Variants in IPO5 observed in about 807,000 individuals in gnomAD.
The protein encoded by IPO5 is importin 5.
A neutral mutation model predicts 143.3 loss-of-function variants in IPO5; 18 were observed. The ratio of observed to expected loss-of-function variants is 0.13; its 90% CI spans 0.09 to 0.19. The LOEUF (loss-of-function observed/expected upper bound fraction) is 0.19. IPO5 is among the 10% of genes least tolerant of loss of function. The pLI is 1.00. For synonymous variants in IPO5, 477 were observed against 465.7 expected, an observed-to-expected ratio of 1.02 and a Z score of -0.31; for missense variants, 1,013 against 1,336.9, an observed-to-expected ratio of 0.76 and a Z score of 3.78.
intron 9 of IPO5, 123 bp downstream of exon 9, chr13:97,990,660 C>A: frequency 1.8e-6 from 1 of 542,454 alleles, no homozygotes. Context: ...CAGCAGTGAA[C>A]AAAACATGCA....
chr13:97,997,074 T>C (rs1056638910), intron 11 of IPO5, among the ~76,000 whole-genome samples: 1 of 152,232 alleles, frequency 6.6e-6, no homozygotes, highest in Non-Finnish European at 1.5e-5. Flanking sequence ...AATGGAATGC[T>C]ATTAAATAAA....
intron 9 of IPO5, among the ~76,000 whole-genome samples, chr13:97,992,345 T>C (rs1320560123): frequency 6.6e-6 from 1 of 152,192 alleles, no homozygotes; most frequent in Admixed American, 6.5e-5. Context: ...ATGGGTAATA[T>C]TGGACACTTT....
chr13:97,982,738 T>C (rs564739232), intron 5 of IPO5, among the ~76,000 whole-genome samples, 155 bp downstream of exon 5: 4 of 151,968 alleles, frequency 2.6e-5, no homozygotes, highest in Admixed American at 2.0e-4. Context: ...TTAGGAGTTA[T>C]AATGTAATTT....
chr13:97,996,141 G>A (rs921492598), intron 11 of IPO5, among the ~76,000 whole-genome samples: 4 of 152,100 alleles, frequency 2.6e-5, no homozygotes, highest in Non-Finnish European at 5.9e-5. Context: ...AGGCTAGAGT[G>A]CAGTGACATG....
chr13:97,982,426 A>G, intron 4 of IPO5, 77 bp from the exon 5 acceptor site: 1 of 923,736 alleles, frequency 1.1e-6, no homozygotes, highest in Non-Finnish European at 1.7e-6. Context: ...CATCCTTCCC[A>G]CTGTTTATTT....
intron 11 of IPO5, among the ~76,000 whole-genome samples, chr13:97,995,988 C>A (rs1020556629): frequency 2.0e-5 from 3 of 152,084 alleles, no homozygotes; most frequent in Non-Finnish European, 2.9e-5. Context: ...CATAAATGAA[C>A]TGAAAAAATA....
At chr13:97,995,124 CAAA>C (rs1281466925) in intron 11 of IPO5, among the ~76,000 whole-genome samples, 10 of 76,406 alleles carry the variant, frequency 1.3e-4, no homozygotes, top group Admixed American at 3.0e-4. Flanking sequence ...GACCCTGTCT[CAAA>C]AAAAAAAAAA....
chr13:97,959,040 C>T (rs529083823), intron 2 of IPO5, among the ~76,000 whole-genome samples: 6 of 151,870 alleles, frequency 4.0e-5, no homozygotes, highest in East Asian at 1.9e-4. Context: ...GACGTGGTGG[C>T]GGGCACCTGT....
chr13:98,009,239 A>G (rs868545701), intron 18 of IPO5, among the ~76,000 whole-genome samples: 1 of 152,208 alleles, frequency 6.6e-6, no homozygotes, highest in Non-Finnish European at 1.5e-5. Flanking sequence ...CAATAGATAA[A>G]TAGGTAGGTG....
intron 2 of IPO5, among the ~76,000 whole-genome samples, chr13:97,962,458 A>G (rs1047713630): frequency 3.3e-5 from 5 of 152,174 alleles, no homozygotes; most frequent in South Asian, 2.1e-4. Context: ...ACCGGCAACA[A>G]TCTTTCCACA....
chr13:97,993,940 T>C (rs907034556), intron 11 of IPO5, among the ~76,000 whole-genome samples: 1 of 152,308 alleles, frequency 6.6e-6, no homozygotes, highest in Non-Finnish European at 1.5e-5. Flanking sequence ...AAGAAAAATA[T>C]CTCCTTTATC....
intron 11 of IPO5, among the ~76,000 whole-genome samples, chr13:97,995,296 G>A (rs919292869): frequency 7.3e-5 from 11 of 150,824 alleles, no homozygotes; most frequent in African/African-American, 2.7e-4. Context: ...TGTACCCATT[G>A]TGTAGTCTTT....
chr13:97,975,125 C>T (rs950267964), intron 3 of IPO5, among the ~76,000 whole-genome samples: 32 of 152,164 alleles, frequency 2.1e-4, no homozygotes, highest in Admixed American at 5.2e-4. Flanking sequence ...TCCATCTCAC[C>T]CAGTATGAAA....
chr13:97,980,499 G>A lies in IPO5; in HGVS notation c.91-2004G>A, dbSNP rs188083421. 1.1e-3 allele frequency among the ~76,000 whole-genome samples: 169 copies of A among 152,254 alleles called. 1 individual carries two copies. Among genetic ancestry groups the A allele is most frequent in the African/African-American group, 3.9e-3 (164 of 41,554 alleles). The stretch of plus-strand genomic sequence containing the variant: ...GCCTGGGCAAGAGTAGGGAGCCTCA[G>A]GATTTATATTAGGTTTTCTGACAGT... On this transcript the variant is annotated intron_variant, in intron 4 of 28. Coordinates refer to ENST00000651721, the MANE Select transcript of IPO5 (RefSeq NM_002271.6).
At chr13:97,963,965 T>G (rs537427664) in intron 2 of IPO5, among the ~76,000 whole-genome samples, 25 of 152,324 alleles carry the variant, frequency 1.6e-4, no homozygotes, top group African/African-American at 4.8e-4. Flanking sequence ...GAGCTTTTTT[T>G]CATATGTTTG....
chr13:98,008,981 A>G (rs1358971905), intron 18 of IPO5, among the ~76,000 whole-genome samples: 2 of 152,176 alleles, frequency 1.3e-5, no homozygotes, highest in Non-Finnish European at 2.9e-5. Context: ...GCAAATATAC[A>G]TGTATGTTTT....
In IPO5 at chr13:97,964,659, C is replaced by T. The variant is rs1885164422; in HGVS notation, c.-112-5064C>T. Among the ~76,000 whole-genome samples the T allele has an allele frequency of 2.6e-5, 4 of 151,798 alleles. No homozygotes were observed. The South Asian group carries it at 8.3e-4, about 32-fold the overall frequency. On this transcript the variant is annotated intron_variant, in intron 2 of 28. Transcript: ENST00000651721. Reference sequence around the variant, plus strand: ...AGAGACGGGGTTTCACCGTGTTAGCCAGGATGGTCTCGATCTCCTGACCTC... The same window carrying T: ...AGAGACGGGGTTTCACCGTGTTAGCTAGGATGGTCTCGATCTCCTGACCTC...
In IPO5 at chr13:98,019,494, A is replaced by G. The variant is rs369935370; in HGVS notation, c.2837-87A>G. On this transcript the variant is annotated intron_variant, in intron 26 of 28. Coordinates refer to ENST00000651721, the MANE Select transcript of IPO5 (RefSeq NM_002271.6). Reference sequence around the variant, plus strand: ...CTTTAACATTTCTTTACCATAATCAATATCTGAACCAAATACAAAAATACA... The same window carrying G: ...CTTTAACATTTCTTTACCATAATCAGTATCTGAACCAAATACAAAAATACA... 5.1e-5 allele frequency: 45 copies of G among 889,262 alleles called. No homozygotes were observed. The East Asian group carries it at 5.4e-4, about 11-fold the overall frequency. The allele number at this position is 889,262 out of a possible 1,614,324, so 55.1% of individuals were successfully genotyped here. A position where few individuals can be genotyped will look rare whatever the true frequency, so the allele number is the denominator to read the frequency against.
At chr13:97,977,566 T>C (rs576436556) in intron 4 of IPO5, among the ~76,000 whole-genome samples, 1 of 152,354 alleles carries the variant, frequency 6.6e-6, no homozygotes, top group East Asian at 1.9e-4. Context: ...TATGTTTAAG[T>C]CTTCAACTTC....
Sources: allele counts gnomAD v4.1 joint callset (sites outside exome capture counted in the v4.1 genomes callset), GRCh38; gene constraint gnomAD v4.1.1; transcripts MANE v1.5; gene names NCBI Gene and HGNC (gene_info 2026-07-23, HGNC 2026-07-21).